ALDH1A1: variants seen among roughly 807,000 people sequenced by gnomAD.
The protein encoded by ALDH1A1 is aldehyde dehydrogenase 1A1.
In ALDH1A1, 19 loss-of-function variants were observed where a neutral mutation model predicts 62.1. The observed-to-expected ratio is 0.31, with a 90% CI of 0.21 to 0.45. The LOEUF (loss-of-function observed/expected upper bound fraction) is 0.45. Ranked by LOEUF, ALDH1A1 falls within the 20% of genes least tolerant of loss-of-function variation. ALDH1A1 has a pLI of 1.00. For missense variants in ALDH1A1, 521 were observed against 607.1 expected, an observed-to-expected ratio of 0.86 and a Z score of 1.49; for synonymous variants, 231 against 215.9, an observed-to-expected ratio of 1.07 and a Z score of -0.61.
intron 8 of ALDH1A1, 110 bp from the exon 9 acceptor site, chr9:72,917,214 A>G (rs1830077467): frequency 1.2e-6 from 1 of 838,952 alleles, no homozygotes; most frequent in Admixed American, 4.2e-5. Flanking sequence ...GTGTAGTCAG[A>G]CATGGGCTCA....
At chr9:72,904,776 C>T (rs1395315512) in intron 12 of ALDH1A1, among the ~76,000 whole-genome samples, 11 of 151,970 alleles carry the variant, frequency 7.2e-5, no homozygotes, top group African/African-American at 1.7e-4. Context: ...ATACTTTGCT[C>T]GGTACTTTAA....
intron 1 of ALDH1A1, among the ~76,000 whole-genome samples, chr9:72,950,660 C>G (rs1013021087): frequency 6.6e-6 from 1 of 150,944 alleles, no homozygotes; most frequent in Non-Finnish European, 1.5e-5. Context: ...TTTTTTTACT[C>G]AACCCTGTCT....
intron 1 of ALDH1A1, 77 bp downstream of exon 1, chr9:72,952,858 A>C (rs1830558773): frequency 6.6e-7 from 1 of 1,526,150 alleles, no homozygotes; most frequent in East Asian, 2.3e-5. Context: ...AAGTTTACTT[A>C]AATTGACCTT....
At chr9:72,934,090 G>A (rs1057291247) in intron 2 of ALDH1A1, among the ~76,000 whole-genome samples, 1 of 152,104 alleles carries the variant, frequency 6.6e-6, no homozygotes, top group Non-Finnish European at 1.5e-5. Flanking sequence ...GCCACCGTCT[G>A]CCTAATTTTT....
At chr9:72,949,755 A>C (rs2118586235) in intron 1 of ALDH1A1, among the ~76,000 whole-genome samples, 1 of 151,430 alleles carries the variant, frequency 6.6e-6, no homozygotes, top group Non-Finnish European at 1.5e-5. Flanking sequence ...TTAATAAGTG[A>C]AGCTTACTAA....
chr9:72,920,179 C>T (rs1350924825), intron 7 of ALDH1A1, among the ~76,000 whole-genome samples: 1 of 152,124 alleles, frequency 6.6e-6, no homozygotes, highest in Non-Finnish European at 1.5e-5. Context: ...TATGTGGTTA[C>T]TGAACTAACT....
At chr9:72,930,113 T>C (rs1241516424) in intron 3 of ALDH1A1, among the ~76,000 whole-genome samples, 1 of 152,204 alleles carries the variant, frequency 6.6e-6, no homozygotes, top group East Asian at 1.9e-4. Context: ...ATTCTAAAGA[T>C]GAAATTTGCT....
chr9:72,903,253 G>A (rs1166231252), intron 12 of ALDH1A1, among the ~76,000 whole-genome samples: 1 of 152,004 alleles, frequency 6.6e-6, no homozygotes, highest in East Asian at 1.9e-4. Context: ...GTTAACCTAA[G>A]TGAAACAGTA....
chr9:72,939,305 A>G (rs1021979494), intron 2 of ALDH1A1, among the ~76,000 whole-genome samples: 14 of 152,116 alleles, frequency 9.2e-5, no homozygotes, highest in African/African-American at 3.4e-4. Context: ...CACTAAATAA[A>G]AACTGGTTTT....
chr9:72,923,655 T>G (rs565758889), intron 7 of ALDH1A1, among the ~76,000 whole-genome samples: 1 of 152,196 alleles, frequency 6.6e-6, no homozygotes. Flanking sequence ...GAGACTCTAC[T>G]ATTTAATTTT....
intron 5 of ALDH1A1, among the ~76,000 whole-genome samples, 197 bp from the exon 6 acceptor site, chr9:72,925,809 T>C (rs1421090522): frequency 1.3e-5 from 2 of 152,186 alleles, no homozygotes; most frequent in South Asian, 2.1e-4. Context: ...ATATGAGATA[T>C]GAGAAGGAAA....
intron 1 of ALDH1A1, among the ~76,000 whole-genome samples, chr9:72,946,954 G>C (rs1830483476): frequency 1.3e-5 from 2 of 151,746 alleles, no homozygotes; most frequent in African/African-American, 4.8e-5. Flanking sequence ...CCTCATTCTG[G>C]CAAGTATGTA....
intron 12 of ALDH1A1, among the ~76,000 whole-genome samples, chr9:72,904,045 T>A: frequency 6.6e-6 from 1 of 152,080 alleles, no homozygotes; most frequent in East Asian, 1.9e-4. Flanking sequence ...GGATTTAATA[T>A]TCAGTATGTC....
At chr9:72,903,327 G>A (rs1829830837) in intron 12 of ALDH1A1, among the ~76,000 whole-genome samples, 1 of 152,016 alleles carries the variant, frequency 6.6e-6, no homozygotes, top group African/African-American at 2.4e-5. Flanking sequence ...TATGATCAGA[G>A]ATGCAAAATC....
chr9:72,915,657 C>A (rs1009624409), intron 9 of ALDH1A1, among the ~76,000 whole-genome samples: 27 of 152,244 alleles, frequency 1.8e-4, no homozygotes, highest in African/African-American at 6.5e-4. Flanking sequence ...TATTTTAGGG[C>A]CTTTAGATTT....
chr9:72,946,866 A>G (rs1830482080), intron 1 of ALDH1A1, among the ~76,000 whole-genome samples: 1 of 151,948 alleles, frequency 6.6e-6, no homozygotes, highest in Non-Finnish European at 1.5e-5. Context: ...TAGATTATCC[A>G]TGCCATTTCA....
At chr9:72,907,092 T>C (rs1471881536) in intron 11 of ALDH1A1, among the ~76,000 whole-genome samples, 1 of 152,230 alleles carries the variant, frequency 6.6e-6, no homozygotes, top group Non-Finnish European at 1.5e-5. Context: ...AATATTCAGA[T>C]GTTTTCTTTG....
intron 11 of ALDH1A1, among the ~76,000 whole-genome samples, chr9:72,908,543 GAAAAGAAAGAAGAAAGAAAGA>G (rs1564622375): frequency 1.1e-3 from 37 of 33,590 alleles, no homozygotes; most frequent in South Asian, 1.7e-3. Context: ...AAGAAAGAAA[GAAAAGAAAGAAGAAAGAAAGA>G]AAGAAAGAAA....
chr9:72,915,055 T>G (rs570793310), intron 9 of ALDH1A1, among the ~76,000 whole-genome samples: 1 of 152,244 alleles, frequency 6.6e-6, no homozygotes, highest in East Asian at 1.9e-4. Context: ...CTCCAAATTC[T>G]AACATACCTA....
Sources: allele counts gnomAD v4.1 joint callset (sites outside exome capture counted in the v4.1 genomes callset), GRCh38; gene constraint gnomAD v4.1.1; transcripts MANE v1.5; gene names NCBI Gene and HGNC (gene_info 2026-07-23, HGNC 2026-07-21).